The following AP3S1 variants were observed in gnomAD, a reference collection of about 807,000 sequenced individuals.
AP3S1 encodes the protein AP-3 complex subunit sigma-1.
AP3S1 carries 12 observed loss-of-function variants against 21.3 expected under a neutral mutation model. The observed-to-expected ratio is 0.56, with a 90% confidence interval of 0.36 to 0.91. AP3S1 has a LOEUF of 0.91. Ranked by LOEUF, AP3S1 falls within the 40% of genes least tolerant of loss-of-function variation. The probability of loss-of-function intolerance (pLI) is 0.01; values close to 1 mark genes in which losing one functional copy is unlikely to be tolerated. For synonymous variants in AP3S1, 48 were observed against 78.4 expected (o/e 0.61, Z 2.05); for missense variants, 116 against 225.0 (o/e 0.52, Z 3.10).
chr5:115,843,391 T>C (rs1561463346), intron 1 of AP3S1, among the ~76,000 whole-genome samples: 2 of 152,246 alleles, frequency 1.3e-5, no homozygotes, highest in East Asian at 3.8e-4. Flanking sequence ...TTCATTTTTT[T>C]CAGTTGTTTT....
chr5:115,910,588 C>T (rs1303057563), intron 5 of AP3S1, among the ~76,000 whole-genome samples: 1 of 151,684 alleles, frequency 6.6e-6, no homozygotes, highest in African/African-American at 2.4e-5. Context: ...TGGAAAGTTA[C>T]TTTACATTTT....
chr5:115,866,898 A>G (rs1763665567), intron 2 of AP3S1, 137 bp downstream of exon 2: 1 of 432,836 alleles, frequency 2.3e-6, no homozygotes, highest in Non-Finnish European at 4.0e-6. Context: ...TATGTTAGCT[A>G]TAAATCTAAC....
intron 3 of AP3S1, among the ~76,000 whole-genome samples, chr5:115,879,305 G>T (rs1337656254): frequency 6.6e-6 from 1 of 152,160 alleles, no homozygotes; most frequent in Non-Finnish European, 1.5e-5. Context: ...TCCAGCTTTT[G>T]CCCATTCAGT....
At chr5:115,845,381 T>C (rs915953624) in intron 1 of AP3S1, among the ~76,000 whole-genome samples, 3 of 152,216 alleles carry the variant, frequency 2.0e-5, no homozygotes, top group Admixed American at 6.5e-5. Context: ...ACTTACATAT[T>C]CATCTCTGCC....
intron 1 of AP3S1, 102 bp downstream of exon 1, chr5:115,842,208 C>T (rs1238416861): frequency 1.4e-6 from 2 of 1,434,864 alleles, no homozygotes; most frequent in Non-Finnish European, 1.8e-6. Flanking sequence ...CGCGCTGCGG[C>T]CCTTGTCCCG....
chr5:115,888,718 G>A (rs445765), intron 3 of AP3S1, among the ~76,000 whole-genome samples: 8,244 of 151,702 alleles, frequency 0.054, 344 homozygotes, highest in Non-Finnish European at 0.08. Context: ...TGGTAGTTGT[G>A]GCATGTAGTT....
chr5:115,846,572 T>TA (rs1286143752), intron 1 of AP3S1, among the ~76,000 whole-genome samples: 1 of 151,416 alleles, frequency 6.6e-6, no homozygotes, highest in Non-Finnish European at 1.5e-5. Context: ...TTTTTTTTTT[T>TA]AAATCTTAAC....
At chr5:115,877,053 C>G (rs1470987509) in intron 3 of AP3S1, among the ~76,000 whole-genome samples, 53 of 152,074 alleles carry the variant, frequency 3.5e-4, no homozygotes, top group Non-Finnish European at 1.5e-5. Context: ...GTTAATTCAT[C>G]TTAATATCTA....
At chr5:115,908,894 C>A in intron 5 of AP3S1, 1 of 708,460 alleles carries the variant, frequency 1.4e-6, no homozygotes, top group Non-Finnish European at 1.7e-6. Flanking sequence ...CTTTCAAAAT[C>A]TGCCATTATT....
rs188987596 is a variant in AP3S1, at chr5:115,892,387, C to T, written c.274-2700C>T. Among the ~76,000 whole-genome samples the T allele has an allele frequency of 2.4e-3, 369 of 152,200 alleles. 2 individuals carry two copies. Among genetic ancestry groups the T allele is most frequent in the Non-Finnish European group, 4.3e-3 (290 of 68,008 alleles). ...TTTGTTGCAGCACTGTTTAGAATATCCAAGATTTGGAAGCAACCTAAGTGT... is the reference window on the plus strand; with the variant it reads ...TTTGTTGCAGCACTGTTTAGAATATTCAAGATTTGGAAGCAACCTAAGTGT... On this transcript the variant is annotated intron_variant, in intron 3 of 5. Coordinates refer to ENST00000316788, the MANE Select transcript of AP3S1 (RefSeq NM_001284.4).
At chr5:115,898,975 C>T (rs1161961696) in intron 4 of AP3S1, among the ~76,000 whole-genome samples, 1 of 152,114 alleles carries the variant, frequency 6.6e-6, no homozygotes, top group African/African-American at 2.4e-5. Flanking sequence ...GCATCAAAAT[C>T]CAGGGCAAAA....
intron 1 of AP3S1, among the ~76,000 whole-genome samples, chr5:115,858,594 C>T (rs1762953311): frequency 6.6e-6 from 1 of 151,904 alleles, no homozygotes; most frequent in Non-Finnish European, 1.5e-5. Flanking sequence ...GTTCTCGAGT[C>T]TCCTTTTTTC....
At chr5:115,861,408 T>A (rs1763171055) in intron 1 of AP3S1, among the ~76,000 whole-genome samples, 1 of 151,922 alleles carries the variant, frequency 6.6e-6, no homozygotes, top group Non-Finnish European at 1.5e-5. Flanking sequence ...TGGTAGGGAG[T>A]TTGTATTTAG....
At chr5:115,906,681 C>G in intron 5 of AP3S1, 2 of 566,476 alleles carry the variant, frequency 3.5e-6, no homozygotes, top group Admixed American at 3.7e-5. Context: ...TTGGGGAGAT[C>G]TGTTAGCTTT....
intron 3 of AP3S1, among the ~76,000 whole-genome samples, chr5:115,892,698 G>A (rs1238280720): frequency 6.6e-6 from 1 of 152,138 alleles, no homozygotes; most frequent in Non-Finnish European, 1.5e-5. Context: ...GATGGTTGTG[G>A]AGATGGTTAA....
intron 5 of AP3S1, among the ~76,000 whole-genome samples, chr5:115,910,509 G>GA (rs202121116): frequency 1.1e-3 from 165 of 144,074 alleles, no homozygotes; most frequent in South Asian, 3.1e-3. Context: ...TATCTTACTG[G>GA]AAAAAAAAAA....
intron 1 of AP3S1, among the ~76,000 whole-genome samples, chr5:115,852,355 G>A (rs779742511): frequency 6.6e-6 from 1 of 152,032 alleles, no homozygotes; most frequent in Admixed American, 6.5e-5. Context: ...CCACAGAAAA[G>A]TTCTGTAAGA....
At chr5:115,912,411 T>TA (rs1752178369) in intron 5 of AP3S1, among the ~76,000 whole-genome samples, 1 of 152,056 alleles carries the variant, frequency 6.6e-6, no homozygotes, top group Admixed American at 6.5e-5. Context: ...AAACCTCAAA[T>TA]ATGAAGGCTG....
chr5:115,842,166 C>G, intron 1 of AP3S1, 60 bp downstream of exon 1: 5 of 1,515,676 alleles, frequency 3.3e-6, no homozygotes, highest in Non-Finnish European at 4.4e-6. Flanking sequence ...GGGCAGCGCC[C>G]AGCGCGGCTT....
Sources: allele counts gnomAD v4.1 joint callset (sites outside exome capture counted in the v4.1 genomes callset), GRCh38; gene constraint gnomAD v4.1.1; transcripts MANE v1.5; gene names NCBI Gene and HGNC (gene_info 2026-07-23, HGNC 2026-07-21).